Variants in CSMD1 observed in about 807,000 individuals in gnomAD.
CSMD1 encodes the protein CUB and sushi domain-containing protein 1.
CSMD1 carries 213 observed loss-of-function variants against 417.5 expected under a neutral mutation model. The observed-to-expected ratio is 0.51, with a 90% CI of 0.46 to 0.57. The LOEUF is 0.57. CSMD1 is among the 20% of genes least tolerant of loss of function. The pLI, the probability that CSMD1 is intolerant of heterozygous loss-of-function variation, is 0.00. For missense variants in CSMD1, 6,923 were observed against 4,529.7 expected (o/e 1.53, Z -15.17); for synonymous variants, 2,862 against 1,736.8 (o/e 1.65, Z -16.11).
chr8:4,058,076 C>G (rs59675110), intron 3 of CSMD1, among the ~76,000 whole-genome samples: 5,675 of 152,190 alleles, frequency 0.037, 331 homozygotes, highest in African/African-American at 0.12. Flanking sequence ...TGAAGGAACT[C>G]ATTGGTAGCT....
intron 3 of CSMD1, among the ~76,000 whole-genome samples, chr8:4,051,517 C>A (rs1483180626): frequency 6.6e-6 from 1 of 152,128 alleles, no homozygotes; most frequent in Non-Finnish European, 1.5e-5. Context: ...TGACCTAGCA[C>A]AAAATGCAAC....
chr8:3,052,402 C>T lies in CSMD1; in HGVS notation c.7660+60G>A, dbSNP rs1312538858. 3.9e-5 allele frequency: 55 copies of T among 1,396,474 alleles called. No individual in the cohort carries two copies. In the Admixed American group the frequency reaches 4.3e-4, roughly 11 times the overall value. 86.5% of individuals were successfully genotyped at this position (1,396,474 alleles called of 1,614,324 possible). A position where few individuals can be genotyped will look rare whatever the true frequency, so the allele number is the denominator to read the frequency against. On this transcript the variant is annotated intron_variant, in intron 50 of 69. Transcript: ENST00000635120. The stretch of plus-strand genomic sequence containing the variant: ...TGAACGTGGGAACCCGGACTTCTCC[C>T]GAAAGCATTCAGTTCCCACCTAAAC...
intron 2 of CSMD1, among the ~76,000 whole-genome samples, chr8:4,451,876 T>C (rs943834740): frequency 3.3e-5 from 5 of 151,650 alleles, no homozygotes; most frequent in Admixed American, 6.6e-5. Flanking sequence ...TCAAACCTCA[T>C]GTGTTCTCTT....
chr8:3,768,732 A>G lies in CSMD1; in HGVS notation c.819-14690T>C, dbSNP rs565652562. Among the ~76,000 whole-genome samples the G allele has an allele frequency of 6.6e-5, 10 of 152,324 alleles. No individual in the cohort carries two copies. The South Asian group carries it at 1.5e-3, about 22-fold the overall frequency. On this transcript the variant is annotated intron_variant, in intron 5 of 69. Coordinates refer to ENST00000635120, the MANE Select transcript of CSMD1 (RefSeq NM_033225.6). ...TATGTAATTTCTTTATTAACACGCA[A>G]ACCAAACGGATGTATCCCACATTAT... is the stretch of plus-strand genomic sequence containing the variant.
intron 3 of CSMD1, among the ~76,000 whole-genome samples, chr8:4,244,974 C>G (rs1219893725): frequency 6.6e-6 from 1 of 152,114 alleles, no homozygotes; most frequent in Non-Finnish European, 1.5e-5. Flanking sequence ...AACCAAAAGC[C>G]TGGAGTGGAA....
chr8:3,063,217 T>C (rs1397774149), intron 49 of CSMD1, among the ~76,000 whole-genome samples: 2 of 152,220 alleles, frequency 1.3e-5, no homozygotes, highest in Non-Finnish European at 2.9e-5. Context: ...TTGTTGGGCA[T>C]ACTCTGGTAA....
At position 3,634,459 on chromosome 8, in the gene CSMD1, C is replaced by T. The variant is rs558139781; in HGVS notation, c.1010-17662G>A. 5.4e-4 allele frequency among the ~76,000 whole-genome samples: 82 copies of T among 152,148 alleles called. 1 individual carries two copies. The highest frequency in any genetic ancestry group is 3.2e-3 in the Middle Eastern group (1 of 316). ...TCATTCCTGGGAGAATTAATGCTGT[C>T]GGCACAACTCTACTGGGAGTGGACA... On this transcript the variant is annotated intron_variant, in intron 7 of 69. Coordinates refer to ENST00000635120, the MANE Select transcript of CSMD1 (RefSeq NM_033225.6).
intron 3 of CSMD1, among the ~76,000 whole-genome samples, chr8:4,345,294 T>A (rs769786768): frequency 6.6e-6 from 1 of 152,194 alleles, no homozygotes; most frequent in Admixed American, 6.5e-5. Context: ...GGATTAACGA[T>A]GTTTGAACAC....
At chr8:3,020,609 G>A (rs1276981840) in intron 51 of CSMD1, among the ~76,000 whole-genome samples, 1 of 152,074 alleles carries the variant, frequency 6.6e-6, no homozygotes, top group Admixed American at 6.5e-5. Flanking sequence ...CCTGGGCTCA[G>A]GCGAATCCTC....
At chr8:3,284,045 C>A in intron 26 of CSMD1, 99 bp downstream of exon 26, 3 of 977,984 alleles carry the variant, frequency 3.1e-6, no homozygotes, top group Admixed American at 2.2e-5. Context: ...TAAATTGCAT[C>A]TGTGTAAGGA....
chr8:3,411,759 C>T (rs1431715160), intron 12 of CSMD1, among the ~76,000 whole-genome samples: 4 of 121,940 alleles, frequency 3.3e-5, no homozygotes, highest in South Asian at 2.7e-4. Context: ...CGTGTATATA[C>T]GTGTATATAC....
At chr8:3,285,645 T>A (rs1160266663) in intron 25 of CSMD1, among the ~76,000 whole-genome samples, 1 of 151,974 alleles carries the variant, frequency 6.6e-6, no homozygotes, top group Non-Finnish European at 1.5e-5. Context: ...GTGATCCACC[T>A]GCCTCGGCCT....
intron 12 of CSMD1, among the ~76,000 whole-genome samples, chr8:3,446,400 C>G (rs1054246906): frequency 6.6e-6 from 1 of 152,180 alleles, no homozygotes. Context: ...GAGGATCTGT[C>G]CTCTCTGTTT....
At chr8:4,508,497 C>G (rs889900758) in intron 2 of CSMD1, among the ~76,000 whole-genome samples, 1 of 152,084 alleles carries the variant, frequency 6.6e-6, no homozygotes, top group Non-Finnish European at 1.5e-5. Context: ...TATTTTCTTT[C>G]TTTTTAATAA....
chr8:3,497,458 G>C (rs954616052), intron 10 of CSMD1, among the ~76,000 whole-genome samples: 1 of 152,138 alleles, frequency 6.6e-6, no homozygotes, highest in Non-Finnish European at 1.5e-5. Context: ...CCAGGCTGGA[G>C]TGCAGTGGTG....
rs188493856 is a variant in CSMD1 at position 3,214,486 on chromosome 8, C to G, written c.4867+11G>C. 1 of 1,568,042 alleles carries G rather than the reference C, an allele frequency of 6.4e-7. No homozygotes were observed. On this transcript the variant is annotated intron_variant, in intron 30 of 69. Coordinates refer to ENST00000635120, the MANE Select transcript of CSMD1 (RefSeq NM_033225.6). ...GTTGTATTTCTAGAAAATACCCAAG[C>G]GTGCACTCACCATTGCAGGAGGGCA...
At chr8:3,335,532 C>T (rs1807201034) in intron 23 of CSMD1, among the ~76,000 whole-genome samples, 1 of 152,024 alleles carries the variant, frequency 6.6e-6, no homozygotes, top group Non-Finnish European at 1.5e-5. Flanking sequence ...ACAAAATTAG[C>T]CGGGTGTGGT....
chr8:4,445,749 G>C (rs764719617), intron 2 of CSMD1, among the ~76,000 whole-genome samples: 5 of 151,344 alleles, frequency 3.3e-5, no homozygotes, highest in Non-Finnish European at 7.4e-5. Context: ...TCCAATAATA[G>C]ACGGTCCTGA....
At chr8:4,730,866 A>T (rs539052434) in intron 1 of CSMD1, among the ~76,000 whole-genome samples, 1 of 152,238 alleles carries the variant, frequency 6.6e-6, no homozygotes, top group African/African-American at 2.4e-5. Flanking sequence ...GTAACGAGAA[A>T]TGTCTCCCTT....
Sources: gnomAD v4.1 joint callset for allele counts (sites outside exome capture counted in the v4.1 genomes callset) on GRCh38, gnomAD v4.1.1 for gene constraint, MANE v1.5 for transcripts, NCBI Gene and HGNC (gene_info 2026-07-23, HGNC 2026-07-21) for gene names.